GSE1: variants seen among roughly 807,000 people sequenced by gnomAD.
GSE1 encodes genetic suppressor element 1.
GSE1 carries 32 observed loss-of-function variants against 112.6 expected under a neutral mutation model. The ratio of observed to expected loss-of-function variants is 0.28; its 90% confidence interval spans 0.21 to 0.38. GSE1 has a LOEUF of 0.38. GSE1 is among the 10% of genes least tolerant of loss of function. The probability of loss-of-function intolerance (pLI) is 1.00; values close to 1 mark genes in which losing one functional copy is unlikely to be tolerated. For missense variants in GSE1, 2,348 were observed against 1,699.2 expected (o/e 1.38, Z -6.71); for synonymous variants, 1,115 against 735.6 (o/e 1.52, Z -8.35).
At chr16:85,316,051 C>T (rs578229053) in intron 1 of GSE1, among the ~76,000 whole-genome samples, 1 of 152,296 alleles carries the variant, frequency 6.6e-6, no homozygotes, top group Admixed American at 6.5e-5. Flanking sequence ...ATGTCCCACC[C>T]GATGGACGGC....
At chr16:85,456,844 T>C (rs1196455146) in intron 2 of GSE1, among the ~76,000 whole-genome samples, 1 of 152,038 alleles carries the variant, frequency 6.6e-6, no homozygotes, top group Non-Finnish European at 1.5e-5. Flanking sequence ...AGCCCCGCCA[T>C]TGCCAGGGAC....
At chr16:85,296,090 T>C (rs1296261919) in intron 1 of GSE1, among the ~76,000 whole-genome samples, 1 of 151,918 alleles carries the variant, frequency 6.6e-6, no homozygotes, top group Non-Finnish European at 1.5e-5. Flanking sequence ...TTGGGAAATG[T>C]AGGGATGAAA....
At chr16:85,578,872 A>ATT (rs757513584) in intron 1 of GSE1, among the ~76,000 whole-genome samples, 3,719 of 141,520 alleles carry the variant, frequency 0.026, 126 homozygotes, top group African/African-American at 0.081. Context: ...CCTGATGTGC[A>ATT]TTTTTTTTTT....
At chr16:85,251,070 A>G (rs554186221) in intron 1 of GSE1, among the ~76,000 whole-genome samples, 1 of 152,022 alleles carries the variant, frequency 6.6e-6, no homozygotes, top group South Asian at 2.1e-4. Context: ...CCGTGGATGG[A>G]TGTTTGGGCT....
intron 2 of GSE1, among the ~76,000 whole-genome samples, chr16:85,549,864 G>C (rs1213284437): frequency 6.6e-6 from 1 of 152,186 alleles, no homozygotes; most frequent in Non-Finnish European, 1.5e-5. Flanking sequence ...AAAAGTGGGT[G>C]ATGGTCACTG....
intron 2 of GSE1, among the ~76,000 whole-genome samples, chr16:85,511,961 G>A (rs1365099859): frequency 1.3e-5 from 2 of 152,178 alleles, no homozygotes; most frequent in Admixed American, 1.3e-4. Flanking sequence ...CAGGCTGCTT[G>A]GAGGGCTCGA....
At chr16:85,383,324 GCACA>G (rs1250557945) in intron 2 of GSE1, among the ~76,000 whole-genome samples, 1 of 150,710 alleles carries the variant, frequency 6.6e-6, no homozygotes, top group African/African-American at 2.4e-5. Flanking sequence ...ACAGTCCTCA[GCACA>G]CACACACCGT....
chr16:85,513,078 G>A (rs73267241), intron 2 of GSE1, among the ~76,000 whole-genome samples: 7,077 of 152,190 alleles, frequency 0.047, 428 homozygotes, highest in African/African-American at 0.13. Context: ...CCCTGTGGGC[G>A]TCTCCATCAC....
intron 2 of GSE1, among the ~76,000 whole-genome samples, chr16:85,466,915 C>T (rs557474389): frequency 8.5e-5 from 13 of 152,264 alleles, no homozygotes; most frequent in Non-Finnish European, 1.6e-4. Context: ...TAAAAATTAG[C>T]CAGGCGTGGT....
chr16:85,653,180 TCCCTCCG>T (rs2051524505), intron 3 of GSE1, among the ~76,000 whole-genome samples: 1 of 9,806 alleles, frequency 1.0e-4, no homozygotes. Context: ...GCCCTGAGGC[TCCCTCCG>T]CCCCCCTCCT....
At chr16:85,613,435 C>T (rs749139594) in intron 1 of GSE1, 37 bp downstream of exon 1, 15 of 1,526,904 alleles carry the variant, frequency 9.8e-6, no homozygotes, top group Admixed American at 2.0e-5. Flanking sequence ...CGGGGTCCTC[C>T]CCCCTCCCCC....
At chr16:85,274,752 C>T (rs1909187668) in intron 1 of GSE1, among the ~76,000 whole-genome samples, 1 of 152,260 alleles carries the variant, frequency 6.6e-6, no homozygotes, top group Non-Finnish European at 1.5e-5. Flanking sequence ...ACTGAGGCTG[C>T]TTCCAGCCTG....
intron 1 of GSE1, among the ~76,000 whole-genome samples, chr16:85,246,200 T>TACACACACACACACACACAC (rs545313239): frequency 3.4e-5 from 3 of 89,054 alleles, no homozygotes; most frequent in African/African-American, 5.0e-5. Context: ...TCAGGGACCC[T>TACACACACACACACACACAC]ACACACACAC....
chr16:85,236,109 C>T (rs1180590102), intron 1 of GSE1, among the ~76,000 whole-genome samples: 3 of 152,084 alleles, frequency 2.0e-5, no homozygotes, highest in Non-Finnish European at 2.9e-5. Context: ...GTGTGGCTCC[C>T]GGGCAGGCTG....
intron 1 of GSE1, among the ~76,000 whole-genome samples, chr16:85,566,192 C>T (rs2045740169): frequency 6.6e-6 from 1 of 152,176 alleles, no homozygotes; most frequent in Admixed American, 6.5e-5. Context: ...CAGCTGCACG[C>T]CGTCCATATC....
At chr16:85,670,055 G>A (rs1233732123) in intron 14 of GSE1, among the ~76,000 whole-genome samples, 1 of 152,224 alleles carries the variant, frequency 6.6e-6, no homozygotes, top group Non-Finnish European at 1.5e-5. Context: ...TACAGGCGTG[G>A]TTGGCATCCT....
chr16:85,588,548 C>A (rs1395085294), intron 1 of GSE1, among the ~76,000 whole-genome samples: 1 of 152,222 alleles, frequency 6.6e-6, no homozygotes, highest in Non-Finnish European at 1.5e-5. Flanking sequence ...AGAAAGGGCT[C>A]TTCTCCTGCC....
intron 2 of GSE1, among the ~76,000 whole-genome samples, chr16:85,517,012 C>T (rs902399141): frequency 2.0e-5 from 3 of 152,082 alleles, no homozygotes; most frequent in South Asian, 2.1e-4. Context: ...TTAGCCAGGA[C>T]GGTCTCGATC....
chr16:85,374,884 G>A (rs1011220784), intron 2 of GSE1, among the ~76,000 whole-genome samples: 7 of 152,294 alleles, frequency 4.6e-5, no homozygotes, highest in Non-Finnish European at 7.4e-5. Flanking sequence ...CCTTCCTCTC[G>A]TCACTCCTCC....
Sources: gnomAD v4.1 joint callset for allele counts (sites outside exome capture counted in the v4.1 genomes callset) on GRCh38, gnomAD v4.1.1 for gene constraint, MANE v1.5 for transcripts, NCBI Gene and HGNC (gene_info 2026-07-23, HGNC 2026-07-21) for gene names.